The following DHRS4L2 variants were observed in gnomAD, a reference collection of about 807,000 sequenced individuals.
The protein encoded by DHRS4L2 is dehydrogenase/reductase SDR family member 4-like 2.
Under a neutral mutation model 23.9 loss-of-function variants are expected in DHRS4L2, and 22 were observed. The observed-to-expected ratio is 0.92, with a 90% CI of 0.66 to 1.31. DHRS4L2 has a LOEUF of 1.31. DHRS4L2 is among the 40% of genes most tolerant of loss of function. DHRS4L2 has a pLI of 0.00. For synonymous variants in DHRS4L2, 141 were observed against 123.7 expected (o/e 1.14, Z -0.93); for missense variants, 385 against 303.3 (o/e 1.27, Z -2.00).
upstream of DHRS4L2, among the ~76,000 whole-genome samples, chr14:23,985,106 C>T (rs951913512): frequency 4.6e-5 from 7 of 151,416 alleles, no homozygotes; most frequent in Non-Finnish European, 1.0e-4. Flanking sequence ...AGCACAGCAC[C>T]AGGGAGTAAT....
At chr14:23,995,158 G>T in intron 3 of DHRS4L2, 25 bp downstream of exon 3, 1 of 1,609,358 alleles carries the variant, frequency 6.2e-7, no homozygotes, top group Non-Finnish European at 8.5e-7. Context: ...AAGAAGCGCG[G>T]AAGGGGGCCT....
At position 24,005,521 on chromosome 14, in the gene DHRS4L2, C is replaced by T. The variant is rs567625777; in HGVS notation, c.*23-365C>T. Among the ~76,000 whole-genome samples the T allele has an allele frequency of 3.9e-5, 6 of 152,212 alleles. No individual in the cohort carries two copies. In the East Asian group the frequency reaches 1.2e-3, roughly 29 times the overall value. Reference sequence around the variant, plus strand: ...TTTAAACACACCATTTACTGTCACACAGACTCCCTGATACTTTAGTGTGTG... The same window carrying T: ...TTTAAACACACCATTTACTGTCACATAGACTCCCTGATACTTTAGTGTGTG... On this transcript the variant is annotated intron_variant, in intron 7 of 7. Transcript: ENST00000335125.
At chr14:23,985,444 G>T (rs965882401), upstream of DHRS4L2, among the ~76,000 whole-genome samples, 15 of 151,546 alleles carry the variant, frequency 9.9e-5, 1 homozygote, top group African/African-American at 3.4e-4. Context: ...CCTGACTTGT[G>T]TCAGTGATGC....
At chr14:23,987,555 T>G (rs2138528456), upstream of DHRS4L2, among the ~76,000 whole-genome samples, 1 of 151,768 alleles carries the variant, frequency 6.6e-6, no homozygotes, top group East Asian at 1.9e-4. Context: ...TTCTTTCCCC[T>G]CTAATTGTAG....
intron 3 of DHRS4L2, among the ~76,000 whole-genome samples, chr14:23,997,299 T>C (rs1421748006): frequency 1.1e-5 from 1 of 87,100 alleles, no homozygotes; most frequent in African/African-American, 4.9e-5. Context: ...TGGTGGAGGA[T>C]CTTGCCTCAA....
intron 3 of DHRS4L2, among the ~76,000 whole-genome samples, chr14:23,999,344 TAAAAAAAAAA>T (rs71426825): frequency 0.065 from 3,485 of 53,594 alleles, 98 homozygotes; most frequent in African/African-American, 0.14. Flanking sequence ...CTCCAATTTG[TAAAAAAAAAA>T]AAAAAAAAAA....
exon 1 of DHRS4L2, chr14:23,970,204 G>C: frequency 2.2e-6 from 1 of 454,670 alleles, no homozygotes; most frequent in Non-Finnish European, 4.4e-6. Flanking sequence ...CGTTCCTTCC[G>C]GCCCTGCACC....
At chr14:23,996,650 CTT>C (rs771033729) in intron 3 of DHRS4L2, among the ~76,000 whole-genome samples, 14 of 131,138 alleles carry the variant, frequency 1.1e-4, no homozygotes, top group African/African-American at 2.3e-4. Flanking sequence ...GTCTTTTTTC[CTT>C]TTTTTTTTTT....
intron 1 of DHRS4L2, among the ~76,000 whole-genome samples, chr14:23,978,242 G>T (rs576981085): frequency 2.7e-5 from 4 of 150,578 alleles, no homozygotes; most frequent in Admixed American, 2.6e-4. Flanking sequence ...CCATAGCATT[G>T]TTTGAAATAG....
Position 24,000,877 on chromosome 14 carries a change from T to C in DHRS4L2, c.423T>C (p.Asn141=), listed in dbSNP as rs2034472377. 2 of 1,610,030 alleles carry C rather than the reference T, an allele frequency of 1.2e-6. No homozygotes were observed. The highest frequency in any genetic ancestry group is 1.7e-6 in the Non-Finnish European group (2 of 1,178,506). The change falls in exon 4 of 8, where the codon AAT becomes AAC. Residue 141 remains asparagine (N), a synonymous_variant. Coordinates refer to ENST00000335125, the MANE Select transcript of DHRS4L2 (RefSeq NM_198083.4). ...EEVWDKTLDI[N]VKAPALMTKA... ...CTTGGCTTCAGACTCTGGACATTAA[T>C]GTGAAGGCCCCAGCCCTGATGACAA... is the stretch of plus-strand genomic sequence containing the variant.
At chr14:23,984,514 C>T (rs959271041), upstream of DHRS4L2, among the ~76,000 whole-genome samples, 3 of 151,368 alleles carry the variant, frequency 2.0e-5, no homozygotes, top group Admixed American at 1.3e-4. Flanking sequence ...TTAAAACACC[C>T]GACCGGGCGC....
intron 1 of DHRS4L2, among the ~76,000 whole-genome samples, chr14:23,971,530 C>T (rs2033857849): frequency 6.6e-6 from 1 of 151,800 alleles, no homozygotes; most frequent in African/African-American, 2.4e-5. Flanking sequence ...AAGAGCAACC[C>T]CAAGACACAT....
At chr14:23,990,669 A>C in intron 2 of DHRS4L2, 1 of 1,153,476 alleles carries the variant, frequency 8.7e-7, no homozygotes, top group Non-Finnish European at 1.1e-6. Flanking sequence ...CCATGAGCTA[A>C]TAAACATTCC....
At chr14:23,982,698 T>C (rs1194774811) in intron 1 of DHRS4L2, among the ~76,000 whole-genome samples, 1 of 151,006 alleles carries the variant, frequency 6.6e-6, no homozygotes, top group Admixed American at 6.6e-5. Flanking sequence ...AAACAAGCAA[T>C]GGGGAAAGGA....
intron 1 of DHRS4L2, among the ~76,000 whole-genome samples, chr14:23,976,611 C>T (rs2033971883): frequency 6.6e-6 from 1 of 151,726 alleles, no homozygotes; most frequent in Non-Finnish European, 1.5e-5. Context: ...TGGATATCTA[C>T]CCAAAGGATC....
intron 1 of DHRS4L2, among the ~76,000 whole-genome samples, chr14:23,989,602 G>A (rs1048457351): frequency 2.0e-5 from 3 of 151,420 alleles, no homozygotes; most frequent in African/African-American, 7.3e-5. Flanking sequence ...GTCAGTCCTG[G>A]TTCTCATTTC....
At chr14:23,974,857 C>G (rs113879253) in intron 1 of DHRS4L2, among the ~76,000 whole-genome samples, 138 of 151,908 alleles carry the variant, frequency 9.1e-4, no homozygotes, top group Middle Eastern at 3.4e-3. Flanking sequence ...TGAAACTATA[C>G]CGATCAATAG....
chr14:23,984,964 C>G (rs2034114935), upstream of DHRS4L2, among the ~76,000 whole-genome samples: 1 of 151,354 alleles, frequency 6.6e-6, no homozygotes, highest in Admixed American at 6.6e-5. Flanking sequence ...TTCTATACCC[C>G]TTCGTATTTA....
Position 24,005,993 on chromosome 14 carries a change from G to T in DHRS4L2, c.*130G>T. On this transcript the variant is annotated 3_prime_UTR_variant, in exon 8 of 8. Transcript: ENST00000335125. ...GTGGTGGGTGGAGGAACCCCGTCCC[G>T]CCTCTGAGGACCGGGAGACAGCCCA... The T allele has an allele frequency of 3.7e-6, 6 of 1,607,488 alleles. No individual in the cohort carries two copies. Among genetic ancestry groups the T allele is most frequent in the Non-Finnish European group, 5.1e-6 (6 of 1,177,536 alleles).
Sources: gnomAD v4.1 joint callset for allele counts (sites outside exome capture counted in the v4.1 genomes callset) on GRCh38, gnomAD v4.1.1 for gene constraint, MANE v1.5 for transcripts, NCBI Gene and HGNC (gene_info 2026-07-23, HGNC 2026-07-21) for gene names.